Variants in DLGAP2 observed in about 807,000 individuals in gnomAD.
DLGAP2 encodes the protein DLG associated protein 2.
A neutral mutation model predicts 100.3 loss-of-function variants in DLGAP2; 26 were observed. The ratio of observed to expected loss-of-function variants is 0.26; its 90% CI spans 0.19 to 0.36. The LOEUF is 0.36. Ranked by LOEUF, DLGAP2 falls within the 10% of genes least tolerant of loss-of-function variation. DLGAP2 has a pLI of 1.00. For synonymous variants in DLGAP2, 886 were observed against 630.1 expected, an observed-to-expected ratio of 1.41 and a Z score of -6.08; for missense variants, 1,858 against 1,453.2, an observed-to-expected ratio of 1.28 and a Z score of -4.53.
chr8:952,704 A>G (rs1361467548), intron 2 of DLGAP2, among the ~76,000 whole-genome samples: 1 of 152,228 alleles, frequency 6.6e-6, no homozygotes, highest in Admixed American at 6.5e-5. Flanking sequence ...GGTATATATG[A>G]AAAAACACCT....
At chr8:752,502 C>G (rs1388099800) in intron 1 of DLGAP2, among the ~76,000 whole-genome samples, 3 of 152,148 alleles carry the variant, frequency 2.0e-5, no homozygotes, top group African/African-American at 7.2e-5. Context: ...AGGGCCCGGT[C>G]AGCACCAGCC....
chr8:1,372,687 A>G (rs111755476), intron 3 of DLGAP2, among the ~76,000 whole-genome samples: 31 of 152,334 alleles, frequency 2.0e-4, no homozygotes, highest in African/African-American at 6.5e-4. Context: ...TAAGTTGGAC[A>G]TGGACGGCGT....
At chr8:1,547,225 C>T (rs1438243903) in intron 4 of DLGAP2, among the ~76,000 whole-genome samples, 1 of 152,184 alleles carries the variant, frequency 6.6e-6, no homozygotes, top group Admixed American at 6.5e-5. Flanking sequence ...GACGTCTGGT[C>T]TGGGCCTGGC....
At chr8:1,291,636 G>A (rs1800062438) in intron 3 of DLGAP2, among the ~76,000 whole-genome samples, 1 of 152,124 alleles carries the variant, frequency 6.6e-6, no homozygotes, top group East Asian at 1.9e-4. Flanking sequence ...ACGGGATCAG[G>A]CTAAGGGATC....
intron 2 of DLGAP2, among the ~76,000 whole-genome samples, chr8:1,227,183 A>C (rs1430274111): frequency 7.5e-5 from 10 of 132,546 alleles, no homozygotes; most frequent in African/African-American, 3.3e-4. Context: ...TAGTATAGAT[A>C]TATATTATCC....
At chr8:1,591,724 A>T (rs1042452187) in intron 6 of DLGAP2, among the ~76,000 whole-genome samples, 1 of 152,136 alleles carries the variant, frequency 6.6e-6, no homozygotes, top group Non-Finnish European at 1.5e-5. Flanking sequence ...ACACCCGCAT[A>T]TCTCCTGGCC....
chr8:1,321,304 G>C (rs1254159124), intron 3 of DLGAP2, among the ~76,000 whole-genome samples: 1 of 151,520 alleles, frequency 6.6e-6, no homozygotes, highest in Non-Finnish European at 1.5e-5. Flanking sequence ...GTGTGCATCT[G>C]TGTGTCTCTG....
intron 2 of DLGAP2, among the ~76,000 whole-genome samples, chr8:986,024 C>T (rs887358350): frequency 1.3e-5 from 2 of 152,070 alleles, no homozygotes; most frequent in Non-Finnish European, 2.9e-5. Context: ...CTCTTGATAT[C>T]CCCATTATTA....
chr8:1,293,289 A>G (rs1165155944), intron 3 of DLGAP2, among the ~76,000 whole-genome samples: 1 of 152,128 alleles, frequency 6.6e-6, no homozygotes, highest in Non-Finnish European at 1.5e-5. Context: ...GGAGTGGAGC[A>G]TGGCCCCCAG....
chr8:753,670 A>C (rs1384911638), intron 1 of DLGAP2: 1 of 152,228 alleles, frequency 6.6e-6, no homozygotes, highest in African/African-American at 2.4e-5. Flanking sequence ...CGAGTTCTTT[A>C]TTCATCATTC....
intron 14 of DLGAP2, among the ~76,000 whole-genome samples, chr8:1,699,412 T>C (rs1193234219): frequency 6.6e-6 from 1 of 150,652 alleles, no homozygotes; most frequent in Non-Finnish European, 1.5e-5. Flanking sequence ...AAGATCATAC[T>C]GGCTAACACG....
intron 6 of DLGAP2, among the ~76,000 whole-genome samples, chr8:1,607,820 C>T (rs1168688901): frequency 1.8e-4 from 26 of 146,540 alleles, no homozygotes; most frequent in Admixed American, 1.4e-3. Context: ...CCGAATATTG[C>T]GCTTTTCAGA....
chr8:1,328,114 A>C (rs1801064388), intron 3 of DLGAP2, among the ~76,000 whole-genome samples: 1 of 151,928 alleles, frequency 6.6e-6, no homozygotes. Context: ...ATCTCAGCTC[A>C]CTGCATACTC....
chr8:1,498,340 T>C (rs6995918), intron 3 of DLGAP2, among the ~76,000 whole-genome samples: 93,013 of 151,706 alleles, frequency 0.61, 29,037 homozygotes, highest in South Asian at 0.71. Flanking sequence ...CTTCAGAATG[T>C]AGATTTTCCT....
chr8:1,114,605 C>G (rs941895220), intron 2 of DLGAP2, among the ~76,000 whole-genome samples: 5 of 151,856 alleles, frequency 3.3e-5, no homozygotes, highest in Non-Finnish European at 7.4e-5. Flanking sequence ...CTTTATTATT[C>G]CAGCTAGCAG....
rs182137874 is a variant in DLGAP2 at position 1,272,744 on chromosome 8, C to T, written c.106+13861C>T. 6.6e-5 allele frequency among the ~76,000 whole-genome samples: 10 copies of T among 152,004 alleles called. 1 individual carries two copies. Among genetic ancestry groups the T allele is most frequent in the South Asian group, 4.1e-4 (2 of 4,822 alleles). On this transcript the variant is annotated intron_variant, in intron 3 of 14. Transcript: ENST00000637795. ...TCAAGGTTTCAGGGTCTGTAGGACTCGGACCACGGGTGACTCTTCCCATCA... is the reference window on the plus strand; with the variant it reads ...TCAAGGTTTCAGGGTCTGTAGGACTTGGACCACGGGTGACTCTTCCCATCA...
intron 2 of DLGAP2, among the ~76,000 whole-genome samples, chr8:1,223,754 G>C (rs1798362204): frequency 6.6e-6 from 1 of 152,138 alleles, no homozygotes; most frequent in South Asian, 2.1e-4. Flanking sequence ...TTTCCCTAAG[G>C]GAAGTGGGAT....
At chr8:1,309,723 T>A (rs941429476) in intron 3 of DLGAP2, among the ~76,000 whole-genome samples, 6 of 152,220 alleles carry the variant, frequency 3.9e-5, no homozygotes, top group African/African-American at 1.4e-4. Flanking sequence ...TCCACCTTTG[T>A]TGCTACAGAA....
At chr8:851,371 C>G (rs1377640908) in intron 1 of DLGAP2, among the ~76,000 whole-genome samples, 1 of 152,206 alleles carries the variant, frequency 6.6e-6, no homozygotes, top group Non-Finnish European at 1.5e-5. Context: ...ACTGTGTTTT[C>G]TTATCACGTC....
Sources: gnomAD v4.1 joint callset for allele counts (sites outside exome capture counted in the v4.1 genomes callset) on GRCh38, gnomAD v4.1.1 for gene constraint, MANE v1.5 for transcripts, NCBI Gene and HGNC (gene_info 2026-07-23, HGNC 2026-07-21) for gene names.